Variants in GAS2 observed in about 807,000 individuals in gnomAD.
The protein encoded by GAS2 is growth arrest-specific protein 2.
GAS2 carries 20 observed loss-of-function variants against 37.5 expected under a neutral mutation model. The ratio of observed to expected loss-of-function variants is 0.53; its 90% CI spans 0.37 to 0.77. The LOEUF (loss-of-function observed/expected upper bound fraction) is 0.77. Ranked by LOEUF, GAS2 falls within the 30% of genes least tolerant of loss-of-function variation. The pLI is 0.00. For missense variants in GAS2, 336 were observed against 373.4 expected, an observed-to-expected ratio of 0.90 and a Z score of 0.82; for synonymous variants, 144 against 132.2, an observed-to-expected ratio of 1.09 and a Z score of -0.61.
At chr11:22,687,475 A>G (rs867835273) in intron 3 of GAS2, among the ~76,000 whole-genome samples, 1 of 152,178 alleles carries the variant, frequency 6.6e-6, no homozygotes, top group African/African-American at 2.4e-5. Flanking sequence ...GTAACCATTA[A>G]TTTCTTTTAA....
chr11:22,683,558 C>T (rs931131515), intron 2 of GAS2, among the ~76,000 whole-genome samples: 6 of 152,066 alleles, frequency 3.9e-5, no homozygotes, highest in Admixed American at 2.0e-4. Flanking sequence ...CCACTGCACC[C>T]GGCCAGATTA....
At chr11:22,676,519 A>T (rs2133896350) in intron 2 of GAS2, among the ~76,000 whole-genome samples, 1 of 152,252 alleles carries the variant, frequency 6.6e-6, no homozygotes, top group Non-Finnish European at 1.5e-5. Context: ...TGGGCAAATT[A>T]CTTACCTCTC....
intron 3 of GAS2, among the ~76,000 whole-genome samples, chr11:22,720,894 G>A (rs1428361125): frequency 6.6e-6 from 1 of 152,008 alleles, no homozygotes; most frequent in African/African-American, 2.4e-5. Context: ...TTGAGTAGGT[G>A]AAAGAGAATA....
chr11:22,691,416 G>T (rs1159399692), intron 3 of GAS2, among the ~76,000 whole-genome samples: 1 of 152,122 alleles, frequency 6.6e-6, no homozygotes, highest in Non-Finnish European at 1.5e-5. Context: ...ATCTCATCAA[G>T]ATTTAATTCT....
At chr11:22,783,511 T>C (rs890964070) in intron 7 of GAS2, among the ~76,000 whole-genome samples, 1 of 152,196 alleles carries the variant, frequency 6.6e-6, no homozygotes, top group Non-Finnish European at 1.5e-5. Flanking sequence ...CATAATTTCT[T>C]TGCAAAGGCT....
chr11:22,739,446 C>T (rs1229205150), intron 5 of GAS2, among the ~76,000 whole-genome samples: 6 of 151,240 alleles, frequency 4.0e-5, no homozygotes, highest in Non-Finnish European at 8.9e-5. Context: ...TGGTGGTGGG[C>T]GCCTGTTGTC....
chr11:22,694,149 C>T (rs1565091740), intron 3 of GAS2, among the ~76,000 whole-genome samples: 1 of 152,066 alleles, frequency 6.6e-6, no homozygotes, highest in African/African-American at 2.4e-5. Context: ...TGCACTTGTA[C>T]CCCTGAACTT....
At chr11:22,745,811 A>G (rs1853364844) in intron 5 of GAS2, among the ~76,000 whole-genome samples, 1 of 152,208 alleles carries the variant, frequency 6.6e-6, no homozygotes, top group South Asian at 2.1e-4. Context: ...AAAAAAACAT[A>G]CAAGTGGCCC....
chr11:22,716,652 A>G (rs1482039775), intron 3 of GAS2, among the ~76,000 whole-genome samples: 1 of 151,992 alleles, frequency 6.6e-6, no homozygotes, highest in Non-Finnish European at 1.5e-5. Flanking sequence ...TCAAAAAAAA[A>G]AAAAAGAAAA....
rs1003587289 is a variant in GAS2 at position 22,766,956 on chromosome 11, A to G, written c.723+11003A>G. Among the ~76,000 whole-genome samples, 57 of 152,296 alleles carry G rather than the reference A, an allele frequency of 3.7e-4. 2 individuals carry two copies. The highest frequency in any genetic ancestry group is 1.3e-3 in the African/African-American group (56 of 41,588). ...TTTTATTAAAGGGTCTAAACTAAAC[A>G]TATGACCAAGTGCAAACTGAAAACG... On this transcript the variant is annotated intron_variant, in intron 7 of 7. Transcript: ENST00000454584.
At chr11:22,731,217 A>G (rs1852458483) in intron 4 of GAS2, 1 of 318,890 alleles carries the variant, frequency 3.1e-6, no homozygotes, top group Admixed American at 4.1e-5. Context: ...ATTTATACAC[A>G]TTCTGGTGAG....
intron 1 of GAS2, among the ~76,000 whole-genome samples, chr11:22,648,780 C>T (rs907335128): frequency 3.3e-5 from 5 of 152,140 alleles, no homozygotes; most frequent in African/African-American, 4.8e-5. Context: ...ATTTTGTATC[C>T]TGAGACTTTG....
At chr11:22,699,939 G>T (rs1565095768) in intron 3 of GAS2, among the ~76,000 whole-genome samples, 1 of 152,094 alleles carries the variant, frequency 6.6e-6, no homozygotes, top group Non-Finnish European at 1.5e-5. Context: ...TAAAATGAAA[G>T]AACCATAGTG....
intron 3 of GAS2, among the ~76,000 whole-genome samples, chr11:22,693,674 A>G (rs140507497): frequency 2.3e-4 from 35 of 152,332 alleles, no homozygotes; most frequent in African/African-American, 8.4e-4. Context: ...GCAAAAGTGT[A>G]CTAGTTATAG....
At chr11:22,759,277 A>G (rs1174095560) in intron 7 of GAS2, among the ~76,000 whole-genome samples, 1 of 152,212 alleles carries the variant, frequency 6.6e-6, no homozygotes, top group African/African-American at 2.4e-5. Flanking sequence ...GATACTTCCC[A>G]TACATGGCTA....
intron 2 of GAS2, among the ~76,000 whole-genome samples, chr11:22,678,917 A>T (rs2133908614): frequency 6.6e-6 from 1 of 152,166 alleles, no homozygotes; most frequent in African/African-American, 2.4e-5. Context: ...ATCATTTTAA[A>T]TTCCTAGGCA....
In GAS2 at chr11:22,655,536, G is replaced by T. The variant is rs2291869; in HGVS notation, c.-20-19314G>T. Among the ~76,000 whole-genome samples, 1,447 of 152,222 alleles carry T rather than the reference G, an allele frequency of 9.5e-3. 28 individuals carry two copies. The highest frequency in any genetic ancestry group is 0.077 in the East Asian group (398 of 5,168). ...ATTTGATCCAAGTATTTGAAAAACA[G>T]AACAAAAACAAACATCACTGCACTT... On this transcript the variant is annotated intron_variant, in intron 1 of 5. Transcript: ENST00000528582.
chr11:22,754,747 C>T (rs771251545), intron 6 of GAS2, among the ~76,000 whole-genome samples: 1 of 151,980 alleles, frequency 6.6e-6, no homozygotes, highest in African/African-American at 2.4e-5. Context: ...ACAGTTTTTG[C>T]TTAGAAGGCT....
chr11:22,787,143 A>G (rs925029215), intron 7 of GAS2, among the ~76,000 whole-genome samples: 3 of 152,176 alleles, frequency 2.0e-5, no homozygotes, highest in Non-Finnish European at 4.4e-5. Flanking sequence ...GAGAATAGAT[A>G]CTAATGAAAC....
Sources: allele counts gnomAD v4.1 joint callset (sites outside exome capture counted in the v4.1 genomes callset), GRCh38; gene constraint gnomAD v4.1.1; transcripts MANE v1.5; gene names NCBI Gene and HGNC (gene_info 2026-07-23, HGNC 2026-07-21).